Variants in DOCK5 observed in about 807,000 individuals in gnomAD.
DOCK5 encodes dedicator of cytokinesis protein 5.
Under a neutral mutation model 251.8 loss-of-function variants are expected in DOCK5, and 142 were observed. The observed-to-expected ratio is 0.56, with a 90% CI of 0.49 to 0.65. DOCK5 has a LOEUF of 0.65. DOCK5 is among the 30% of genes least tolerant of loss of function. The pLI, the probability that DOCK5 is intolerant of heterozygous loss-of-function variation, is 0.00. For synonymous variants in DOCK5, 842 were observed against 835.5 expected, an observed-to-expected ratio of 1.01 and a Z score of -0.13; for missense variants, 2,111 against 2,312.3, an observed-to-expected ratio of 0.91 and a Z score of 1.79.
At chr8:25,329,707 A>T (rs538504950) in intron 18 of DOCK5, among the ~76,000 whole-genome samples, 28 of 152,294 alleles carry the variant, frequency 1.8e-4, no homozygotes, top group Admixed American at 1.4e-3. Context: ...CAGGAGACGT[A>T]TGAGAATGTT....
chr8:25,283,416 C>T (rs1483013719), intron 5 of DOCK5, among the ~76,000 whole-genome samples: 1 of 152,086 alleles, frequency 6.6e-6, no homozygotes, highest in Non-Finnish European at 1.5e-5. Flanking sequence ...TTCAAGTCTG[C>T]TGGATGTTGT....
At chr8:25,245,898 A>G (rs1041993021) in intron 2 of DOCK5, among the ~76,000 whole-genome samples, 2 of 152,088 alleles carry the variant, frequency 1.3e-5, no homozygotes, top group African/African-American at 4.8e-5. Flanking sequence ...CAGGTTTGCT[A>G]TATGCTAACT....
At chr8:25,341,674 C>G in intron 23 of DOCK5, 65 bp from the exon 24 acceptor site, 1 of 1,339,358 alleles carries the variant, frequency 7.5e-7, no homozygotes, top group Non-Finnish European at 1.0e-6. Flanking sequence ...TTCCTGGGAT[C>G]AAGCAGTAAA....
chr8:25,290,313 T>TA (rs1229703662), intron 5 of DOCK5, among the ~76,000 whole-genome samples: 6 of 152,136 alleles, frequency 3.9e-5, no homozygotes, highest in Non-Finnish European at 7.3e-5. Flanking sequence ...GCTGATGAGC[T>TA]AAAAAACAAA....
intron 1 of DOCK5, among the ~76,000 whole-genome samples, chr8:25,189,038 CTTTCTTTCTTT>C (rs1157883052): frequency 5.0e-5 from 3 of 60,302 alleles, no homozygotes; most frequent in Admixed American, 2.2e-4. Context: ...TCTTTTCTTT[CTTTCTTTCTTT>C]TTTTTTTTTT....
intron 40 of DOCK5, among the ~76,000 whole-genome samples, chr8:25,384,463 A>ATTTATTTATTTATT (rs1400363524): frequency 7.4e-6 from 1 of 135,690 alleles, no homozygotes; most frequent in South Asian, 2.3e-4. Flanking sequence ...TTATTTATTT[A>ATTTATTTATTTATT]TTTTTTTTTT....
chr8:25,394,774 G>A (rs929114275), intron 44 of DOCK5, among the ~76,000 whole-genome samples: 2 of 152,236 alleles, frequency 1.3e-5, no homozygotes, highest in African/African-American at 4.8e-5. Context: ...TAGCTCCAAT[G>A]TTTAAGTCAT....
chr8:25,351,304 C>T (rs1180122202), intron 26 of DOCK5: 13 of 158,968 alleles, frequency 8.2e-5, no homozygotes, highest in Admixed American at 3.0e-4. Context: ...GTAATCCGCC[C>T]GCCTCAGCCT....
intron 1 of DOCK5, among the ~76,000 whole-genome samples, chr8:25,197,150 G>T (rs1171819570): frequency 2.0e-5 from 3 of 151,936 alleles, no homozygotes; most frequent in Admixed American, 6.6e-5. Flanking sequence ...AGCCCTTTGG[G>T]AGTCCTTTGA....
chr8:25,258,415 A>C (rs1803477537), intron 2 of DOCK5, among the ~76,000 whole-genome samples: 1 of 152,128 alleles, frequency 6.6e-6, no homozygotes, highest in African/African-American at 2.4e-5. Context: ...TTTAAACTGT[A>C]ATTACTTAAA....
chr8:25,369,712 T>C (rs1390493352), intron 34 of DOCK5, 71 bp downstream of exon 34: 1 of 1,360,142 alleles, frequency 7.4e-7, no homozygotes, highest in Non-Finnish European at 1.0e-6. Flanking sequence ...GGGGTCCTGT[T>C]TCACCAATAG....
At chr8:25,194,664 C>T (rs1366119169) in intron 1 of DOCK5, among the ~76,000 whole-genome samples, 7 of 152,108 alleles carry the variant, frequency 4.6e-5, no homozygotes, top group African/African-American at 4.8e-5. Flanking sequence ...CTGGGCGTCT[C>T]CCAGTGTTTT....
intron 32 of DOCK5, 56 bp from the exon 33 acceptor site, chr8:25,368,515 A>G: frequency 6.5e-7 from 1 of 1,537,088 alleles, no homozygotes; most frequent in Middle Eastern, 1.8e-4. Context: ...GGAAGATTTT[A>G]ACACTTTACT....
At chr8:25,296,242 A>G (rs1804612369) in intron 6 of DOCK5, among the ~76,000 whole-genome samples, 1 of 152,244 alleles carries the variant, frequency 6.6e-6, no homozygotes, top group South Asian at 2.1e-4. Flanking sequence ...ATTTAGTCAG[A>G]ATCAGTGCCA....
Position 25,292,009 on chromosome 8 carries a change from AT to A in DOCK5, c.322-11del, listed in dbSNP as rs1563340492. 2 of 1,544,384 alleles carry A rather than the reference AT, an allele frequency of 1.3e-6. No individual in the cohort carries two copies. The highest frequency in any genetic ancestry group is 1.7e-6 in the Non-Finnish European group (2 of 1,145,894). The stretch of plus-strand genomic sequence containing the variant: ...TTTCTAAGAATCTTTTCTTCATCAT[AT>A]TTTCTCATCTTAGAACAACAAGCTC... On this transcript the variant is annotated splice_polypyrimidine_tract_variant and intron_variant, in intron 5 of 51. Coordinates refer to ENST00000276440, the MANE Select transcript of DOCK5 (RefSeq NM_024940.8).
chr8:25,195,198 G>C (rs1002849363), intron 1 of DOCK5, among the ~76,000 whole-genome samples: 2 of 150,942 alleles, frequency 1.3e-5, no homozygotes, highest in Non-Finnish European at 2.9e-5. Flanking sequence ...TGGGATTACA[G>C]GAATGAGTCA....
At chr8:25,214,788 T>C (rs943918300) in intron 1 of DOCK5, among the ~76,000 whole-genome samples, 7 of 152,204 alleles carry the variant, frequency 4.6e-5, no homozygotes, top group African/African-American at 1.4e-4. Context: ...AGGATCAGGA[T>C]GTTGGGTTGT....
Position 25,367,103 on chromosome 8 carries a change from A to G in DOCK5, c.3224+133A>G, listed in dbSNP as rs1800790220. The stretch of plus-strand genomic sequence containing the variant: ...TTGTTAGTGAGGTAAGTCTTCAACT[A>G]ATTACTTAATAGGCCTCACATTCAC... On this transcript the variant is annotated intron_variant, in intron 31 of 51. Transcript: ENST00000276440. The G allele has an allele frequency of 8.0e-6, 6 of 750,292 alleles. No individual in the cohort carries two copies. In the East Asian group the frequency reaches 1.7e-4, roughly 21 times the overall value. 46.5% of individuals were successfully genotyped at this position (750,292 alleles called of 1,614,324 possible).
chr8:25,282,930 GTTCTT>G (rs796776152), intron 5 of DOCK5, among the ~76,000 whole-genome samples: 1 of 129,862 alleles, frequency 7.7e-6, no homozygotes, highest in African/African-American at 2.9e-5. Flanking sequence ...ACATTTCCTT[GTTCTT>G]TTCTTTTCAG....
Sources: allele counts gnomAD v4.1 joint callset (sites outside exome capture counted in the v4.1 genomes callset), GRCh38; gene constraint gnomAD v4.1.1; transcripts MANE v1.5; gene names NCBI Gene and HGNC (gene_info 2026-07-23, HGNC 2026-07-21).